Variants in FGF12 observed in about 807,000 individuals in gnomAD.
FGF12 encodes the protein fibroblast growth factor 12, also known as fibroblast growth factor 12B.
FGF12 carries 14 observed loss-of-function variants against 23.6 expected under a neutral mutation model. The ratio of observed to expected loss-of-function variants is 0.59; its 90% CI spans 0.39 to 0.93. The LOEUF (loss-of-function observed/expected upper bound fraction) is 0.93. Ranked by LOEUF, FGF12 falls within the 40% of genes least tolerant of loss-of-function variation. The pLI is 0.00. For synonymous variants in FGF12, 62 were observed against 77.3 expected (o/e 0.80, Z 1.04); for missense variants, 175 against 217.8 (o/e 0.80, Z 1.24).
At chr3:192,682,567 T>C (rs915099635) in intron 2 of FGF12, among the ~76,000 whole-genome samples, 2 of 152,200 alleles carry the variant, frequency 1.3e-5, no homozygotes, top group African/African-American at 4.8e-5. Context: ...TTATTTAATA[T>C]GAAATATCAT....
intron 4 of FGF12, among the ~76,000 whole-genome samples, chr3:192,305,854 G>GTTTTTTTTTTTTTTTT (rs755560177): frequency 1.3e-5 from 1 of 77,444 alleles, no homozygotes; most frequent in Non-Finnish European, 2.2e-5. Context: ...CATCTCTCTG[G>GTTTTTTTTTTTTTTTT]TTTTTTTTTT....
At chr3:192,616,042 T>G (rs2108643614) in intron 2 of FGF12, among the ~76,000 whole-genome samples, 1 of 152,050 alleles carries the variant, frequency 6.6e-6, no homozygotes, top group South Asian at 2.1e-4. Flanking sequence ...CTTACAAAAT[T>G]TTTTTCTTAA....
intron 2 of FGF12, among the ~76,000 whole-genome samples, chr3:192,399,504 AGAG>A (rs1720669210): frequency 6.6e-6 from 1 of 152,262 alleles, no homozygotes; most frequent in Non-Finnish European, 1.5e-5. Flanking sequence ...CTGAGACAGA[AGAG>A]ATCATCATTA....
chr3:192,538,981 TG>T (rs772025738), intron 2 of FGF12, among the ~76,000 whole-genome samples: 3 of 152,206 alleles, frequency 2.0e-5, no homozygotes, highest in Non-Finnish European at 2.9e-5. Flanking sequence ...GATTTATGTA[TG>T]TTAATTTTGT....
At chr3:192,491,227 G>A (rs1723791944) in intron 2 of FGF12, among the ~76,000 whole-genome samples, 2 of 151,990 alleles carry the variant, frequency 1.3e-5, no homozygotes, top group Non-Finnish European at 2.9e-5. Context: ...GTATTACAAT[G>A]TTTGTATATG....
chr3:192,265,323 T>G (rs535385876), intron 4 of FGF12: 7 of 152,152 alleles, frequency 4.6e-5, no homozygotes, highest in Non-Finnish European at 8.8e-5. Context: ...TCACTCAAAC[T>G]GCAGAGACCA....
At chr3:192,350,830 G>C (rs1320789512) in intron 3 of FGF12, among the ~76,000 whole-genome samples, 2 of 152,224 alleles carry the variant, frequency 1.3e-5, no homozygotes, top group African/African-American at 4.8e-5. Context: ...ATTGAGCAAA[G>C]AAGTGAGTTT....
intron 2 of FGF12, among the ~76,000 whole-genome samples, chr3:192,433,343 G>A (rs1721922045): frequency 6.6e-6 from 1 of 152,168 alleles, no homozygotes; most frequent in Admixed American, 6.5e-5. Flanking sequence ...CAAGTTTTGT[G>A]TGGCCTGAAG....
intron 2 of FGF12, among the ~76,000 whole-genome samples, chr3:192,433,440 A>G (rs1242315165): frequency 2.0e-5 from 3 of 152,262 alleles, no homozygotes; most frequent in African/African-American, 7.2e-5. Context: ...TTTACTAAAT[A>G]TAAGAAAAAG....
At chr3:192,320,371 G>A (rs1327876124) in intron 4 of FGF12, among the ~76,000 whole-genome samples, 12 of 152,186 alleles carry the variant, frequency 7.9e-5, no homozygotes, top group South Asian at 2.1e-4. Context: ...AATAATAACC[G>A]GAGACTTCAA....
chr3:192,298,124 A>T (rs1039459006), intron 4 of FGF12, among the ~76,000 whole-genome samples: 2 of 152,224 alleles, frequency 1.3e-5, no homozygotes, highest in Non-Finnish European at 2.9e-5. Flanking sequence ...ATAAAAAGCT[A>T]ATGTTCTCTC....
intron 5 of FGF12, among the ~76,000 whole-genome samples, chr3:192,161,583 G>A (rs936717408): frequency 1.3e-5 from 2 of 151,536 alleles, no homozygotes; most frequent in African/African-American, 4.8e-5. Context: ...GAAGTTACCA[G>A]GTAACAATTC....
chr3:192,511,411 G>A (rs1289727132), intron 2 of FGF12, among the ~76,000 whole-genome samples: 1 of 151,944 alleles, frequency 6.6e-6, no homozygotes, highest in Non-Finnish European at 1.5e-5. Flanking sequence ...AAGTGATGAG[G>A]AACCTGCAAT....
At chr3:192,393,668 T>C (rs998045285) in intron 2 of FGF12, among the ~76,000 whole-genome samples, 4 of 152,130 alleles carry the variant, frequency 2.6e-5, no homozygotes, top group African/African-American at 9.7e-5. Context: ...TGGAAATAGA[T>C]AATGTGGATA....
intron 2 of FGF12, among the ~76,000 whole-genome samples, chr3:192,667,464 G>A (rs558788344): frequency 6.6e-6 from 1 of 151,836 alleles, no homozygotes; most frequent in South Asian, 2.1e-4. Flanking sequence ...AAAAAACTTA[G>A]CCAGGCTTGG....
At chr3:192,267,305 G>A (rs529263532) in intron 4 of FGF12, among the ~76,000 whole-genome samples, 13 of 152,120 alleles carry the variant, frequency 8.5e-5, no homozygotes, top group Non-Finnish European at 1.8e-4. Context: ...TCAATGCTCT[G>A]ATTCATCTTT....
intron 4 of FGF12, among the ~76,000 whole-genome samples, chr3:192,212,299 C>G (rs1009541761): frequency 6.6e-6 from 1 of 151,970 alleles, no homozygotes; most frequent in Non-Finnish European, 1.5e-5. Flanking sequence ...ATAATGAATA[C>G]GAACACTGTC....
intron 4 of FGF12, among the ~76,000 whole-genome samples, chr3:192,274,093 T>C (rs2108631651): frequency 6.6e-6 from 1 of 152,056 alleles, no homozygotes; most frequent in Non-Finnish European, 1.5e-5. Flanking sequence ...ATAAACACTC[T>C]ATACTCTATT....
chr3:192,179,469 T>G (rs1716045670), intron 4 of FGF12, among the ~76,000 whole-genome samples: 1 of 152,184 alleles, frequency 6.6e-6, no homozygotes, highest in African/African-American at 2.4e-5. Context: ...ATTTTTGACC[T>G]TGAGCAAGTT....
Sources: allele counts gnomAD v4.1 joint callset (sites outside exome capture counted in the v4.1 genomes callset), GRCh38; gene constraint gnomAD v4.1.1; transcripts MANE v1.5; gene names NCBI Gene and HGNC (gene_info 2026-07-23, HGNC 2026-07-21).